The following MAML3 variants were observed in gnomAD, a reference collection of about 807,000 sequenced individuals.
MAML3 encodes the protein mastermind-like protein 3.
A neutral mutation model predicts 101.9 loss-of-function variants in MAML3; 27 were observed. The ratio of observed to expected loss-of-function variants is 0.27; its 90% CI spans 0.20 to 0.37. MAML3 has a LOEUF of 0.37. Ranked by LOEUF, MAML3 falls within the 10% of genes least tolerant of loss-of-function variation. The probability of loss-of-function intolerance (pLI) is 1.00; values close to 1 mark genes in which losing one functional copy is unlikely to be tolerated. For synonymous variants in MAML3, 501 were observed against 555.9 expected (o/e 0.90, Z 1.39); for missense variants, 1,316 against 1,444.9 (o/e 0.91, Z 1.45).
chr4:139,912,240 T>C (rs1260616989), intron 1 of MAML3, among the ~76,000 whole-genome samples: 1 of 152,088 alleles, frequency 6.6e-6, no homozygotes, highest in African/African-American at 2.4e-5. Flanking sequence ...AAAACAAATG[T>C]GGGGGAGAGA....
chr4:139,958,851 C>A (rs1288368129), intron 1 of MAML3, among the ~76,000 whole-genome samples: 8 of 152,224 alleles, frequency 5.3e-5, no homozygotes, highest in Non-Finnish European at 1.2e-4. Context: ...ACACATAGGA[C>A]AATGATACTA....
intron 2 of MAML3, among the ~76,000 whole-genome samples, chr4:139,789,431 A>G (rs1730363670): frequency 1.3e-5 from 2 of 152,176 alleles, no homozygotes; most frequent in African/African-American, 4.8e-5. Context: ...GAGGGCAAGC[A>G]GAGTCTAGAA....
At chr4:139,764,019 A>C (rs1729805751) in intron 2 of MAML3, among the ~76,000 whole-genome samples, 1 of 152,210 alleles carries the variant, frequency 6.6e-6, no homozygotes, top group Admixed American at 6.5e-5. Flanking sequence ...AGATTCCAAA[A>C]AGTGTGTCAG....
intron 1 of MAML3, among the ~76,000 whole-genome samples, chr4:140,081,590 A>C (rs972675663): frequency 6.6e-6 from 1 of 152,228 alleles, no homozygotes; most frequent in Non-Finnish European, 1.5e-5. Context: ...GAAATAGATG[A>C]GGGAGGAATA....
At chr4:139,996,686 C>CGT (rs1553968137) in intron 1 of MAML3, among the ~76,000 whole-genome samples, 1,751 of 151,010 alleles carry the variant, frequency 0.012, 41 homozygotes, top group African/African-American at 0.039. Flanking sequence ...ATAGTTGTAT[C>CGT]GTGTGTGTGT....
intron 1 of MAML3, among the ~76,000 whole-genome samples, chr4:139,906,263 A>C (rs1201575362): frequency 6.6e-6 from 1 of 152,188 alleles, no homozygotes; most frequent in Admixed American, 6.5e-5. Flanking sequence ...CAGCATGTAT[A>C]TATTTTCAAA....
At chr4:139,922,963 G>A (rs1199287283) in intron 1 of MAML3, among the ~76,000 whole-genome samples, 1 of 152,160 alleles carries the variant, frequency 6.6e-6, no homozygotes, top group African/African-American at 2.4e-5. Flanking sequence ...CAGGGGTGCC[G>A]GGTAGATCTG....
intron 1 of MAML3, among the ~76,000 whole-genome samples, chr4:139,904,849 A>C (rs886279250): frequency 1.3e-5 from 2 of 152,260 alleles, no homozygotes; most frequent in Admixed American, 6.5e-5. Flanking sequence ...TGTACTGAAT[A>C]CTATAGGCAA....
At chr4:139,990,381 G>A (rs1177279427) in intron 1 of MAML3, among the ~76,000 whole-genome samples, 4 of 151,662 alleles carry the variant, frequency 2.6e-5, no homozygotes, top group Non-Finnish European at 5.9e-5. Flanking sequence ...CAATAAATTA[G>A]GTATTGATGG....
intron 1 of MAML3, among the ~76,000 whole-genome samples, chr4:139,986,326 A>G (rs1425782630): frequency 3.9e-5 from 6 of 152,322 alleles, no homozygotes; most frequent in East Asian, 3.9e-4. Context: ...AGGGACAGGC[A>G]TATTTGCCAA....
rs920478019 is a variant in MAML3, at chr4:140,153,303, C to T, written c.25G>A (p.Ala9Thr). The change falls in exon 1 of 5, where the codon GCT becomes ACT. Residue 9 changes from alanine to threonine, a missense_variant. Transcript: ENST00000509479. Reference protein sequence around the residue: MGDFAAPAAAANGSSICIN... With the variant: MGDFAAPATAANGSSICIN... The stretch of plus-strand genomic sequence containing the variant: ...CAAATACTACTGCCATTCGCGGCAG[C>T]AGCGGGGGCTGCGAAATCCCCCATC... The T allele has an allele frequency of 5.0e-6, 8 of 1,596,668 alleles. No homozygotes were observed. Among genetic ancestry groups the T allele is most frequent in the Non-Finnish European group, 6.8e-6 (8 of 1,170,394 alleles).
intron 1 of MAML3, among the ~76,000 whole-genome samples, chr4:140,080,149 G>A (rs1201709645): frequency 6.6e-6 from 1 of 152,190 alleles, no homozygotes; most frequent in Non-Finnish European, 1.5e-5. Context: ...TGCAGGAAAC[G>A]GGAAGTTAAG....
chr4:139,809,019 G>A (rs989865868), intron 2 of MAML3, among the ~76,000 whole-genome samples: 4 of 152,212 alleles, frequency 2.6e-5, no homozygotes, highest in Non-Finnish European at 5.9e-5. Flanking sequence ...TTTGGAGCCT[G>A]AGAGGCTCTC....
chr4:139,757,355 G>A (rs548235019), intron 2 of MAML3, among the ~76,000 whole-genome samples: 2 of 152,062 alleles, frequency 1.3e-5, no homozygotes, highest in Admixed American at 1.3e-4. Context: ...AGCAGGGTAA[G>A]AATCCTATTC....
At chr4:139,850,350 C>G (rs546885716) in intron 2 of MAML3, among the ~76,000 whole-genome samples, 1 of 152,330 alleles carries the variant, frequency 6.6e-6, no homozygotes, top group Non-Finnish European at 1.5e-5. Context: ...ACATCCTGAT[C>G]TGCCAGGACC....
At chr4:140,041,794 A>G (rs1022790997) in intron 1 of MAML3, among the ~76,000 whole-genome samples, 1 of 152,222 alleles carries the variant, frequency 6.6e-6, no homozygotes, top group African/African-American at 2.4e-5. Context: ...TAAGTAGTCC[A>G]GACAATGATA....
chr4:140,080,954 A>T, intron 1 of MAML3, among the ~76,000 whole-genome samples: 1 of 152,386 alleles, frequency 6.6e-6, no homozygotes, highest in South Asian at 2.1e-4. Context: ...TATTAAATAT[A>T]GCCAAATATT....
At chr4:140,097,726 A>G (rs1311840364) in intron 1 of MAML3, among the ~76,000 whole-genome samples, 3 of 152,226 alleles carry the variant, frequency 2.0e-5, no homozygotes, top group African/African-American at 4.8e-5. Flanking sequence ...TTATCTGACC[A>G]TACCTGCAAA....
intron 1 of MAML3, among the ~76,000 whole-genome samples, chr4:139,933,029 A>T (rs762759674): frequency 6.6e-6 from 1 of 152,188 alleles, no homozygotes; most frequent in Non-Finnish European, 1.5e-5. Context: ...TAAAAGCGAC[A>T]CAGCAGACAG....
Sources: gnomAD v4.1 joint callset for allele counts (sites outside exome capture counted in the v4.1 genomes callset) on GRCh38, gnomAD v4.1.1 for gene constraint, MANE v1.5 for transcripts, NCBI Gene and HGNC (gene_info 2026-07-23, HGNC 2026-07-21) for gene names.